Variants in PTPRM observed in about 807,000 individuals in gnomAD.
PTPRM encodes receptor-type tyrosine-protein phosphatase mu.
In PTPRM, 47 loss-of-function variants were observed where a neutral mutation model predicts 186.7. The observed-to-expected ratio is 0.25, with a 90% CI of 0.20 to 0.32. PTPRM has a LOEUF of 0.32. Ranked by LOEUF, PTPRM falls within the 10% of genes least tolerant of loss-of-function variation. PTPRM has a pLI of 1.00. For missense variants in PTPRM, 1,494 were observed against 1,865.0 expected (o/e 0.80, Z 3.66); for synonymous variants, 668 against 674.9 (o/e 0.99, Z 0.16).
At chr18:7,731,504 T>A (rs1482952150) in intron 1 of PTPRM, among the ~76,000 whole-genome samples, 2 of 152,196 alleles carry the variant, frequency 1.3e-5, no homozygotes, top group Admixed American at 6.5e-5. Flanking sequence ...TCTAATTTAA[T>A]CCTTTAGTTT....
intron 13 of PTPRM, among the ~76,000 whole-genome samples, chr18:8,142,504 T>C (rs1166977229): frequency 6.6e-6 from 1 of 152,198 alleles, no homozygotes; most frequent in South Asian, 2.1e-4. Flanking sequence ...TTCTCAGTGA[T>C]AACTCATTTT....
intron 1 of PTPRM, among the ~76,000 whole-genome samples, chr18:7,675,648 C>G (rs186156703): frequency 1.3e-5 from 2 of 152,238 alleles, no homozygotes; most frequent in African/African-American, 4.8e-5. Flanking sequence ...TGCATCTCAC[C>G]CCTTTGCACA....
chr18:8,028,284 G>A (rs2085704947), intron 7 of PTPRM, among the ~76,000 whole-genome samples: 1 of 152,124 alleles, frequency 6.6e-6, no homozygotes, highest in Non-Finnish European at 1.5e-5. Context: ...ATACAGGTGT[G>A]CACCACCGTG....
chr18:8,216,869 G>A (rs1328977894), intron 14 of PTPRM, among the ~76,000 whole-genome samples: 2 of 152,208 alleles, frequency 1.3e-5, no homozygotes, highest in East Asian at 3.8e-4. Context: ...GAAGCTGATG[G>A]GATTCTTGAG....
rs73385637 is a variant in PTPRM at position 8,024,937 on chromosome 18, G to A, written c.1133-44749G>A. Among the ~76,000 whole-genome samples, 1,239 of 152,028 alleles carry A rather than the reference G, an allele frequency of 8.1e-3. 19 individuals are homozygous for A. The highest frequency in any genetic ancestry group is 0.029 in the African/African-American group (1,195 of 41,462). On this transcript the variant is annotated intron_variant, in intron 7 of 32. Transcript: ENST00000580170. ...GGACTCAACCCATCCTCCTGCTTTG[G>A]CCTCAAGTGATCCTCCTGCCTTGGC...
rs200061550 is a variant in PTPRM at position 7,798,528 on chromosome 18, C to CAA, written c.196+24268_196+24269dup. On this transcript the variant is annotated intron_variant, in intron 2 of 32. Transcript: ENST00000580170. The stretch of plus-strand genomic sequence containing the variant: ...TGGGCGACAGGGCAAGAATCCGTCT[C>CAA]AAAAAAAAAAAAGGTTAAGATGGTA... Among the ~76,000 whole-genome samples the CAA allele has an allele frequency of 3.8e-5, 5 of 131,390 alleles. No individual in the cohort carries two copies. In the East Asian group the frequency reaches 6.5e-4, roughly 17 times the overall value. The allele number at this position is 131,390 out of a possible 152,430, so 86.2% of individuals were successfully genotyped here.
intron 12 of PTPRM, among the ~76,000 whole-genome samples, chr18:8,114,415 C>T (rs1012705362): frequency 1.3e-5 from 2 of 152,138 alleles, no homozygotes; most frequent in African/African-American, 4.8e-5. Context: ...TCGTGGTCAA[C>T]TTGACTTTTG....
chr18:7,837,642 A>C (rs773571594), intron 2 of PTPRM, among the ~76,000 whole-genome samples: 10 of 152,210 alleles, frequency 6.6e-5, no homozygotes, highest in Non-Finnish European at 1.3e-4. Flanking sequence ...TTTAGTAGAG[A>C]CAGGGTTTCA....
At chr18:7,888,589 C>T (rs2048903643) in intron 3 of PTPRM, among the ~76,000 whole-genome samples, 1 of 152,148 alleles carries the variant, frequency 6.6e-6, no homozygotes, top group South Asian at 2.1e-4. Flanking sequence ...AAGAACTGAA[C>T]AGAGACTTAC....
intron 11 of PTPRM, among the ~76,000 whole-genome samples, chr18:8,091,177 A>G (rs377593905): frequency 1.8e-4 from 27 of 152,270 alleles, no homozygotes; most frequent in African/African-American, 6.0e-4. Context: ...TCCAAAATAC[A>G]TAACTTTCAC....
chr18:7,894,047 C>G (rs60247500), intron 3 of PTPRM, among the ~76,000 whole-genome samples: 57,917 of 151,954 alleles, frequency 0.38, 12,624 homozygotes, highest in African/African-American at 0.59. Flanking sequence ...ACAATAAGCT[C>G]TGAAGTTGAG....
At chr18:8,335,673 C>A (rs945384438) in intron 22 of PTPRM, among the ~76,000 whole-genome samples, 1 of 152,184 alleles carries the variant, frequency 6.6e-6, no homozygotes, top group Admixed American at 6.5e-5. Context: ...CTTTCACTTA[C>A]GGGTTTCATC....
At chr18:7,717,264 C>T (rs1054071072) in intron 1 of PTPRM, among the ~76,000 whole-genome samples, 9 of 152,080 alleles carry the variant, frequency 5.9e-5, no homozygotes, top group Admixed American at 2.6e-4. Context: ...ATCCTCTGCC[C>T]GTAAAAACCC....
intron 7 of PTPRM, among the ~76,000 whole-genome samples, chr18:7,975,067 C>T (rs1025555393): frequency 1.3e-5 from 2 of 152,184 alleles, no homozygotes; most frequent in Non-Finnish European, 2.9e-5. Context: ...TGCATCCTTG[C>T]ACCACACACC....
chr18:7,860,557 G>T (rs752161243), intron 2 of PTPRM, among the ~76,000 whole-genome samples: 4 of 152,142 alleles, frequency 2.6e-5, no homozygotes, highest in Non-Finnish European at 4.4e-5. Flanking sequence ...TGAAGTCACA[G>T]AACTAATTAG....
At chr18:7,840,772 G>A (rs535876905) in intron 2 of PTPRM, among the ~76,000 whole-genome samples, 1 of 152,324 alleles carries the variant, frequency 6.6e-6, no homozygotes, top group Non-Finnish European at 1.5e-5. Context: ...GTTGGCTGTA[G>A]AATTTGTTTT....
intron 7 of PTPRM, among the ~76,000 whole-genome samples, chr18:8,047,936 T>C (rs2087180896): frequency 6.6e-6 from 1 of 152,166 alleles, no homozygotes. Flanking sequence ...CTTGAAGGAC[T>C]ACGGAACAGA....
intron 1 of PTPRM, among the ~76,000 whole-genome samples, chr18:7,572,330 T>C (rs921921151): frequency 1.3e-5 from 2 of 152,210 alleles, no homozygotes; most frequent in East Asian, 1.9e-4. Context: ...CTTCAGATTA[T>C]ATAAATTCTT....
chr18:8,263,607 C>A (rs995970495), intron 19 of PTPRM, among the ~76,000 whole-genome samples: 7 of 152,096 alleles, frequency 4.6e-5, no homozygotes, highest in African/African-American at 1.7e-4. Context: ...CCTTAGCTAG[C>A]CTCAGGATGG....
Sources: gnomAD v4.1 joint callset for allele counts (sites outside exome capture counted in the v4.1 genomes callset) on GRCh38, gnomAD v4.1.1 for gene constraint, MANE v1.5 for transcripts, NCBI Gene and HGNC (gene_info 2026-07-23, HGNC 2026-07-21) for gene names.